Variants in ADGRL2 observed in about 807,000 individuals in gnomAD.
ADGRL2 encodes adhesion G protein-coupled receptor L2, also known as calcium-independent alpha-latrotoxin receptor 2.
ADGRL2 carries 44 observed loss-of-function variants against 157.4 expected under a neutral mutation model. The observed-to-expected ratio is 0.28, with a 90% confidence interval of 0.22 to 0.36. ADGRL2 has a LOEUF of 0.36. ADGRL2 is among the 10% of genes least tolerant of loss of function. The probability of loss-of-function intolerance (pLI) is 1.00; values close to 1 mark genes in which losing one functional copy is unlikely to be tolerated. For missense variants in ADGRL2, 1,510 were observed against 1,768.9 expected, an observed-to-expected ratio of 0.85 and a Z score of 2.63; for synonymous variants, 585 against 624.7, an observed-to-expected ratio of 0.94 and a Z score of 0.95.
intron 2 of ADGRL2, among the ~76,000 whole-genome samples, chr1:81,560,890 T>G (rs1363817357): frequency 3.3e-5 from 5 of 152,184 alleles, no homozygotes; most frequent in Admixed American, 2.0e-4. Flanking sequence ...ACTCCCCTTT[T>G]GCTTCCTCCA....
At chr1:81,954,100 A>G (rs578208692) in intron 10 of ADGRL2, among the ~76,000 whole-genome samples, 18 of 152,272 alleles carry the variant, frequency 1.2e-4, no homozygotes, top group African/African-American at 4.3e-4. Flanking sequence ...GCTGAAATCT[A>G]TAGAATTTTT....
In ADGRL2 at chr1:81,448,670, A is replaced by C. The variant is rs138645939; in HGVS notation, c.-248+3581A>C. ...TAGAGACATGCCTGGGCAACATGGA[A>C]AAACTCTGTCTCTATTAAAAAAACA... On this transcript the variant is annotated intron_variant, in intron 2 of 24. Transcript: ENST00000370721. Among the ~76,000 whole-genome samples, 417 of 152,222 alleles carry C rather than the reference A, an allele frequency of 2.7e-3. 1 individual carries two copies. The highest frequency in any genetic ancestry group is 0.01 in the Middle Eastern group (3 of 294).
intron 2 of ADGRL2, among the ~76,000 whole-genome samples, chr1:81,842,471 C>T (rs189843281): frequency 9.4e-5 from 14 of 148,980 alleles, no homozygotes; most frequent in African/African-American, 3.4e-4. Context: ...GATTCTCCTG[C>T]CTCAGCCTCC....
At chr1:81,918,992 C>G (rs951337492) in intron 3 of ADGRL2, among the ~76,000 whole-genome samples, 1 of 151,850 alleles carries the variant, frequency 6.6e-6, no homozygotes, top group East Asian at 1.9e-4. Context: ...GTTTTAGACC[C>G]CACAAAACTT....
intron 6 of ADGRL2, among the ~76,000 whole-genome samples, chr1:81,946,800 G>A (rs1224262372): frequency 6.6e-6 from 1 of 152,142 alleles, no homozygotes; most frequent in Non-Finnish European, 1.5e-5. Flanking sequence ...AGTTGAATAG[G>A]TGCTCGTTTT....
intron 1 of ADGRL2, among the ~76,000 whole-genome samples, chr1:81,397,835 G>A (rs2076684382): frequency 6.6e-6 from 1 of 152,142 alleles, no homozygotes; most frequent in East Asian, 1.9e-4. Flanking sequence ...GGTACATTTG[G>A]TGTAAAATGC....
intron 1 of ADGRL2, among the ~76,000 whole-genome samples, chr1:81,332,151 AC>A (rs1661314755): frequency 1.3e-5 from 2 of 152,188 alleles, no homozygotes; most frequent in African/African-American, 4.8e-5. Context: ...AAGAAAAAAA[AC>A]ATTTTTTGTC....
chr1:81,419,544 A>G (rs1295939279), intron 1 of ADGRL2, among the ~76,000 whole-genome samples: 2 of 152,228 alleles, frequency 1.3e-5, no homozygotes, highest in East Asian at 1.9e-4. Flanking sequence ...TTGCCTAATT[A>G]TAAATATTAT....
chr1:81,887,322 T>C (rs2094148989), intron 2 of ADGRL2, among the ~76,000 whole-genome samples: 1 of 152,162 alleles, frequency 6.6e-6, no homozygotes, highest in South Asian at 2.1e-4. Flanking sequence ...CACATAACTA[T>C]CCTTGGTTCC....
At chr1:81,354,728 T>C (rs1663151894) in intron 1 of ADGRL2, among the ~76,000 whole-genome samples, 1 of 152,162 alleles carries the variant, frequency 6.6e-6, no homozygotes, top group African/African-American at 2.4e-5. Flanking sequence ...CCTTTTTGGA[T>C]TCTTATATTT....
At chr1:81,767,523 G>T (rs990036003) in intron 2 of ADGRL2, among the ~76,000 whole-genome samples, 1 of 152,042 alleles carries the variant, frequency 6.6e-6, no homozygotes, top group Non-Finnish European at 1.5e-5. Context: ...GAATTATCTG[G>T]CCTAAAATGT....
At chr1:81,936,905 A>G (rs1057505775) in intron 4 of ADGRL2, 68 bp downstream of exon 4, 7 of 932,270 alleles carry the variant, frequency 7.5e-6, no homozygotes, top group Non-Finnish European at 1.2e-5. Flanking sequence ...AAGACTACAC[A>G]TGTGAAAGAA....
intron 1 of ADGRL2, among the ~76,000 whole-genome samples, chr1:81,322,671 T>A (rs1660609207): frequency 6.6e-6 from 1 of 152,052 alleles, no homozygotes; most frequent in African/African-American, 2.4e-5. Flanking sequence ...ATTAGTTCTA[T>A]ACATTTAAGG....
chr1:81,774,241 C>A (rs1039115696), intron 2 of ADGRL2, among the ~76,000 whole-genome samples: 3 of 152,214 alleles, frequency 2.0e-5, no homozygotes, highest in Admixed American at 6.5e-5. Context: ...TTTCAAATGT[C>A]TGCTCTCCTC....
chr1:81,455,593 T>A (rs1005630232), intron 2 of ADGRL2, among the ~76,000 whole-genome samples: 2 of 152,204 alleles, frequency 1.3e-5, no homozygotes, highest in South Asian at 4.1e-4. Flanking sequence ...AGAAGCCATG[T>A]GTTCTGCTTA....
At chr1:81,364,845 G>C (rs1449846919) in intron 1 of ADGRL2, among the ~76,000 whole-genome samples, 1 of 151,930 alleles carries the variant, frequency 6.6e-6, no homozygotes, top group African/African-American at 2.4e-5. Context: ...TATATTTTTA[G>C]TAGGGATGGG....
intron 1 of ADGRL2, among the ~76,000 whole-genome samples, chr1:81,443,216 T>A (rs1332348507): frequency 6.6e-6 from 1 of 151,936 alleles, no homozygotes; most frequent in Non-Finnish European, 1.5e-5. Flanking sequence ...AAGTCAAGAG[T>A]TCGAGATCAG....
At chr1:81,800,362 G>T (rs1557662894), upstream of ADGRL2, 1 of 152,138 alleles carries the variant, frequency 6.6e-6, no homozygotes, top group East Asian at 1.9e-4. Context: ...ACCCTGGAGC[G>T]TCCCCCGCGC....
intron 3 of ADGRL2, among the ~76,000 whole-genome samples, chr1:81,685,536 G>T (rs1370113671): frequency 1.3e-5 from 2 of 152,072 alleles, no homozygotes; most frequent in Non-Finnish European, 2.9e-5. Context: ...GCTTTCTGGA[G>T]GAGTCTTTAG....
Sources: allele counts gnomAD v4.1 joint callset (sites outside exome capture counted in the v4.1 genomes callset), GRCh38; gene constraint gnomAD v4.1.1; transcripts MANE v1.5; gene names NCBI Gene and HGNC (gene_info 2026-07-23, HGNC 2026-07-21).